The following MYO16 variants were observed in gnomAD, a reference collection of about 807,000 sequenced individuals.
MYO16 encodes myosin XVI, also known as unconventional myosin-XVI.
In MYO16, 94 loss-of-function variants were observed where a neutral mutation model predicts 205.3. The observed-to-expected ratio is 0.46, with a 90% CI of 0.39 to 0.54. The LOEUF is 0.54. MYO16 is among the 20% of genes least tolerant of loss of function. The probability of loss-of-function intolerance (pLI) is 0.00; values close to 1 mark genes in which losing one functional copy is unlikely to be tolerated. For synonymous variants in MYO16, 988 were observed against 954.0 expected, an observed-to-expected ratio of 1.04 and a Z score of -0.66; for missense variants, 2,315 against 2,387.5, an observed-to-expected ratio of 0.97 and a Z score of 0.63.
intron 4 of MYO16, among the ~76,000 whole-genome samples, chr13:108,744,202 G>T (rs1325354372): frequency 6.6e-6 from 1 of 152,168 alleles, no homozygotes; most frequent in Admixed American, 6.5e-5. Flanking sequence ...AGGCTTGAAT[G>T]ACTTCAACTT....
the MYO16 span, among the ~76,000 whole-genome samples, chr13:108,579,062 T>C: frequency 6.6e-6 from 1 of 152,190 alleles, no homozygotes; most frequent in African/African-American, 2.4e-5. Flanking sequence ...AAGGGGTTAA[T>C]AATATGATTT....
At chr13:109,163,017 T>C (rs1049941603) in intron 32 of MYO16, among the ~76,000 whole-genome samples, 25 of 152,226 alleles carry the variant, frequency 1.6e-4, no homozygotes, top group Non-Finnish European at 2.9e-5. Flanking sequence ...CTTTGTTTTT[T>C]ATGTATAATG....
At chr13:108,674,657 C>T (rs891206147) in intron 2 of MYO16, among the ~76,000 whole-genome samples, 2 of 152,180 alleles carry the variant, frequency 1.3e-5, no homozygotes, top group Admixed American at 1.3e-4. Context: ...AGGAACATGA[C>T]CAAGCCTGGA....
intron 31 of MYO16, among the ~76,000 whole-genome samples, chr13:109,139,418 C>G (rs1449131271): frequency 6.6e-6 from 1 of 152,208 alleles, no homozygotes; most frequent in Non-Finnish European, 1.5e-5. Context: ...GAATCCACAC[C>G]TAAGTGTGTT....
intron 21 of MYO16, among the ~76,000 whole-genome samples, chr13:108,993,680 C>G (rs570543682): frequency 5.5e-4 from 84 of 152,110 alleles, no homozygotes; most frequent in Non-Finnish European, 1.0e-3. Context: ...GGAGATACTT[C>G]ATGTGTTTAT....
At chr13:108,946,659 G>C (rs112262171) in intron 16 of MYO16, among the ~76,000 whole-genome samples, 1 of 152,080 alleles carries the variant, frequency 6.6e-6, no homozygotes. Flanking sequence ...AGTGAAATGC[G>C]GAGAAGAGAG....
chr13:108,940,824 G>A (rs1312224217), intron 16 of MYO16, among the ~76,000 whole-genome samples: 1 of 152,088 alleles, frequency 6.6e-6, no homozygotes, highest in Non-Finnish European at 1.5e-5. Context: ...ATACTATACT[G>A]CAAATACAAT....
intron 21 of MYO16, among the ~76,000 whole-genome samples, chr13:108,999,437 C>T (rs987508259): frequency 9.2e-5 from 14 of 152,166 alleles, no homozygotes; most frequent in African/African-American, 2.9e-4. Flanking sequence ...ATTTTCGCTA[C>T]GTGTCAGAAC....
At chr13:109,137,524 A>C (rs1430740047) in intron 31 of MYO16, among the ~76,000 whole-genome samples, 4 of 152,238 alleles carry the variant, frequency 2.6e-5, no homozygotes, top group Non-Finnish European at 5.9e-5. Context: ...GTTTTAGCCC[A>C]TTGAAAGTAA....
At chr13:109,057,898 A>G (rs1396699570) in intron 27 of MYO16, among the ~76,000 whole-genome samples, 1 of 152,066 alleles carries the variant, frequency 6.6e-6, no homozygotes, top group Non-Finnish European at 1.5e-5. Flanking sequence ...GGTCTCAGGA[A>G]GTGATCCGCG....
intron 16 of MYO16, among the ~76,000 whole-genome samples, chr13:108,940,816 A>G (rs539029076): frequency 3.5e-4 from 54 of 152,338 alleles, no homozygotes; most frequent in Non-Finnish European, 6.6e-4. Flanking sequence ...AATTGTATAT[A>G]CTATACTGCA....
At chr13:108,794,770 A>T (rs892815922) in intron 6 of MYO16, among the ~76,000 whole-genome samples, 6 of 152,204 alleles carry the variant, frequency 3.9e-5, no homozygotes, top group Non-Finnish European at 8.8e-5. Flanking sequence ...GGGGAAAAAA[A>T]TTTGAGAGAA....
chr13:108,572,760 C>G, the MYO16 span, among the ~76,000 whole-genome samples: 1 of 152,152 alleles, frequency 6.6e-6, no homozygotes, highest in African/African-American at 2.4e-5. Context: ...GCTTTAAACA[C>G]TAGATCTATC....
intron 32 of MYO16, among the ~76,000 whole-genome samples, chr13:109,156,889 TGAGA>T (rs2139852161): frequency 6.6e-6 from 1 of 152,348 alleles, no homozygotes; most frequent in South Asian, 2.1e-4. Context: ...TTCTCCTTCC[TGAGA>T]GATTTTTAAG....
chr13:109,159,428 T>A (rs1227705656), intron 32 of MYO16, among the ~76,000 whole-genome samples: 2 of 147,038 alleles, frequency 1.4e-5, no homozygotes, highest in African/African-American at 5.1e-5. Flanking sequence ...ATGGAAAGTG[T>A]AGCTCCTTTC....
rs773963390 is a variant in MYO16, at chr13:108,910,063, G to A, written c.1838G>A (p.Ser613Asn). 3.7e-6 allele frequency: 6 copies of A among 1,613,406 alleles called. No homozygotes were observed. In the East Asian group the frequency reaches 8.9e-5, roughly 24 times the overall value. The change falls in exon 16 of 35, where the codon AGC becomes AAC. Residue 613 changes from serine (S) to asparagine (N), a missense_variant. Physicochemically the swap from Ser to Asn is conservative, Grantham distance 46. This residue lies in a region of MYO16 where 1,213 missense variants were observed against 1,274.4 expected (regional missense o/e 0.95). Coordinates refer to ENST00000457511, the MANE Select transcript of MYO16 (RefSeq NM_001198950.3). ...SRLVSQPLGQ[S>N]NFLIFYLLMD... Reference sequence around the variant, plus strand: ...CTTGTTTCACAACCTCTTGGCCAGAGCAATTTTCTCATTTTCTACTTGTTG... The same window carrying A: ...CTTGTTTCACAACCTCTTGGCCAGAACAATTTTCTCATTTTCTACTTGTTG...
intron 2 of MYO16, among the ~76,000 whole-genome samples, chr13:108,709,117 G>A (rs746698244): frequency 4.6e-5 from 7 of 151,712 alleles, no homozygotes; most frequent in Admixed American, 6.6e-5. Flanking sequence ...CCTGCGCTTC[G>A]TTATTCTATT....
chr13:109,091,644 C>T (rs1488955609), intron 27 of MYO16, among the ~76,000 whole-genome samples: 1 of 152,194 alleles, frequency 6.6e-6, no homozygotes, highest in Non-Finnish European at 1.5e-5. Flanking sequence ...CTTGGCTGCT[C>T]CAAAATTGGA....
At chr13:109,168,773 G>T (rs1046427917) in intron 33 of MYO16, among the ~76,000 whole-genome samples, 8 of 152,064 alleles carry the variant, frequency 5.3e-5, no homozygotes, top group Non-Finnish European at 7.4e-5. Flanking sequence ...TATTCAAGAA[G>T]AAATCACAAA....
Sources: gnomAD v4.1 joint callset for allele counts (sites outside exome capture counted in the v4.1 genomes callset) on GRCh38, gnomAD v4.1.1 for gene constraint, gnomAD v4.1.1 regional missense constraint, MANE v1.5 for transcripts, NCBI Gene and HGNC (gene_info 2026-07-23, HGNC 2026-07-21) for gene names.